The following ASTN2 variants were observed in gnomAD, a reference collection of about 807,000 sequenced individuals.
The protein encoded by ASTN2 is astrotactin-2.
In ASTN2, 54 loss-of-function variants were observed where a neutral mutation model predicts 139.8. The ratio of observed to expected loss-of-function variants is 0.39; its 90% CI spans 0.31 to 0.48. The LOEUF is 0.48. ASTN2 is among the 20% of genes least tolerant of loss of function. The pLI, the probability that ASTN2 is intolerant of heterozygous loss-of-function variation, is 0.95. For missense variants in ASTN2, 1,565 were observed against 1,725.1 expected, an observed-to-expected ratio of 0.91 and a Z score of 1.64; for synonymous variants, 756 against 719.5, an observed-to-expected ratio of 1.05 and a Z score of -0.81.
At chr9:116,959,243 G>C (rs778103606) in intron 10 of ASTN2, among the ~76,000 whole-genome samples, 2 of 152,158 alleles carry the variant, frequency 1.3e-5, no homozygotes, top group Non-Finnish European at 2.9e-5. Context: ...CCTAATGGAT[G>C]AGTAAAACGT....
intron 11 of ASTN2, among the ~76,000 whole-genome samples, chr9:116,851,231 A>T (rs1203682806): frequency 6.6e-6 from 1 of 151,970 alleles, no homozygotes; most frequent in Admixed American, 6.6e-5. Context: ...GGAAAACTGT[A>T]AAAAAAACAT....
chr9:116,632,248 A>AGAAAGAAAGAAG (rs1212577564), intron 17 of ASTN2, among the ~76,000 whole-genome samples: 14 of 91,130 alleles, frequency 1.5e-4, no homozygotes, highest in Non-Finnish European at 2.9e-4. Flanking sequence ...AAAGAAAGAA[A>AGAAAGAAAGAAG]GAAGGAAAGA....
chr9:117,283,094 A>T (rs1435571177), intron 2 of ASTN2, among the ~76,000 whole-genome samples: 2 of 151,878 alleles, frequency 1.3e-5, no homozygotes, highest in African/African-American at 2.4e-5. Context: ...AAACTCAGAG[A>T]GGTGAGATGA....
intron 19 of ASTN2, among the ~76,000 whole-genome samples, chr9:116,579,680 A>G (rs1000956759): frequency 2.6e-5 from 4 of 152,202 alleles, no homozygotes; most frequent in Non-Finnish European, 5.9e-5. Context: ...CAGGAATTTG[A>G]GACCAGACTG....
chr9:117,291,395 G>C lies in ASTN2; in HGVS notation c.561C>G (p.Thr187=). The C allele has an allele frequency of 6.2e-7, 1 of 1,614,200 alleles. No individual in the cohort carries two copies. The highest frequency in any genetic ancestry group is 8.5e-7 in the Non-Finnish European group (1 of 1,180,024). The part of the protein sequence containing the change: ...MSSSGQLAQA[T]APTLQEPSEI... ...CCGAGGGCTCCTGGAGAGTGGGGGC[G>C]GTGGCTTGGGCCAGCTGCCCGGAGC... is the stretch of plus-strand genomic sequence containing the variant. Residue 187 remains threonine (T), a synonymous_variant, in exon 2 of 23, where the codon ACC becomes ACG. Coordinates refer to ENST00000313400, the MANE Select transcript of ASTN2 (RefSeq NM_001365068.1).
At chr9:117,376,136 AT>A in intron 1 of ASTN2, among the ~76,000 whole-genome samples, 1 of 152,284 alleles carries the variant, frequency 6.6e-6, no homozygotes, top group East Asian at 1.9e-4. Context: ...GTAAATTAGG[AT>A]ATGGACATCT....
rs201877419 is a variant in ASTN2 at position 116,698,034 on chromosome 9, C to A, written c.2806+27737G>T. 5.9e-5 allele frequency: 95 copies of A among 1,614,038 alleles called. No individual in the cohort carries two copies. In the Admixed American group the frequency reaches 1.5e-3, roughly 26 times the overall value. ...TGGGCTCAGCGAGGCTGTGGGGCTG[C>A]TCATGTGTCGGTCCTGTGGGCGGCG... is the stretch of plus-strand genomic sequence containing the variant. On this transcript the variant is annotated intron_variant, in intron 16 of 22. Coordinates refer to ENST00000313400, the MANE Select transcript of ASTN2 (RefSeq NM_001365068.1). The surrounding 1 kb of genome is among the most constrained non-coding windows in gnomAD (Gnocchi z 4.4).
chr9:117,290,125 C>A (rs1240946540), intron 2 of ASTN2, among the ~76,000 whole-genome samples: 1 of 152,116 alleles, frequency 6.6e-6, no homozygotes, highest in Non-Finnish European at 1.5e-5. Context: ...TGGCTTTATG[C>A]CAATCACTTC....
At chr9:116,855,518 C>T (rs1832717761) in intron 11 of ASTN2, among the ~76,000 whole-genome samples, 1 of 152,220 alleles carries the variant, frequency 6.6e-6, no homozygotes. Context: ...TCTTTAGCTT[C>T]CTCTGGATCT....
At chr9:117,313,357 A>G (rs1333209738) in intron 1 of ASTN2, among the ~76,000 whole-genome samples, 7 of 152,156 alleles carry the variant, frequency 4.6e-5, no homozygotes, top group African/African-American at 1.7e-4. Context: ...GGAGTCAGAC[A>G]AGGTCTTCTG....
chr9:116,485,837 T>A (rs554439243), intron 20 of ASTN2, among the ~76,000 whole-genome samples: 29 of 152,324 alleles, frequency 1.9e-4, no homozygotes, highest in Non-Finnish European at 4.0e-4. Context: ...TTGGTGATAT[T>A]CTTGAGTTTG....
intron 10 of ASTN2, among the ~76,000 whole-genome samples, chr9:116,876,935 G>A (rs1405671319): frequency 6.6e-6 from 1 of 152,146 alleles, no homozygotes; most frequent in Middle Eastern, 3.2e-3. Context: ...TATCTCTGAG[G>A]TGTGCCTGTA....
intron 12 of ASTN2, among the ~76,000 whole-genome samples, chr9:116,818,862 G>T (rs1165606594): frequency 6.6e-6 from 1 of 152,130 alleles, no homozygotes; most frequent in Non-Finnish European, 1.5e-5. Flanking sequence ...CTTGCTGAAG[G>T]TTACACAGCA....
chr9:117,384,775 T>G (rs1830355048), intron 1 of ASTN2, among the ~76,000 whole-genome samples: 1 of 152,174 alleles, frequency 6.6e-6, no homozygotes, highest in African/African-American at 2.4e-5. Context: ...GTATACATCA[T>G]TCTTCCCAAT....
intron 17 of ASTN2, among the ~76,000 whole-genome samples, chr9:116,629,609 T>C (rs1223675155): frequency 6.6e-6 from 1 of 152,118 alleles, no homozygotes; most frequent in Non-Finnish European, 1.5e-5. Flanking sequence ...AAAAAAATAC[T>C]AACTGGCAAG....
At chr9:116,904,027 G>T (rs1834091299) in intron 10 of ASTN2, among the ~76,000 whole-genome samples, 1 of 152,216 alleles carries the variant, frequency 6.6e-6, no homozygotes, top group African/African-American at 2.4e-5. Context: ...TAGTCTCCCA[G>T]GGTTGAGAGT....
chr9:117,286,001 G>T (rs148267837), intron 2 of ASTN2, among the ~76,000 whole-genome samples: 1 of 151,804 alleles, frequency 6.6e-6, no homozygotes, highest in Non-Finnish European at 1.5e-5. Context: ...AAAACATATT[G>T]GTCTCAAACA....
At chr9:116,545,829 T>G (rs1852068690) in intron 19 of ASTN2, 2 of 152,174 alleles carry the variant, frequency 1.3e-5, no homozygotes, top group Non-Finnish European at 2.9e-5. Context: ...CCTTGGTTGG[T>G]GAGTGGCCTT....
At chr9:116,444,547 A>C (rs1847929695) in intron 20 of ASTN2, among the ~76,000 whole-genome samples, 1 of 152,154 alleles carries the variant, frequency 6.6e-6, no homozygotes, top group African/African-American at 2.4e-5. Context: ...TCGCAGGCTC[A>C]GGGTATCATA....
Sources: gnomAD v4.1 joint callset for allele counts (sites outside exome capture counted in the v4.1 genomes callset) on GRCh38, gnomAD v4.1.1 for gene constraint, Gnocchi (gnomAD v3.1) non-coding constraint, MANE v1.5 for transcripts, NCBI Gene and HGNC (gene_info 2026-07-23, HGNC 2026-07-21) for gene names.